GHR: variants seen among roughly 807,000 people sequenced by gnomAD.
The protein encoded by GHR is growth hormone receptor.
Under a neutral mutation model 67.1 loss-of-function variants are expected in GHR, and 35 were observed. The ratio of observed to expected loss-of-function variants is 0.52; its 90% CI spans 0.40 to 0.69. The LOEUF (loss-of-function observed/expected upper bound fraction) is 0.69. Among genes scored for constraint, GHR ranks in the 30% least tolerant of loss-of-function variants. The probability of loss-of-function intolerance (pLI) is 0.00; values close to 1 mark genes in which losing one functional copy is unlikely to be tolerated. For synonymous variants in GHR, 272 were observed against 269.1 expected (o/e 1.01, Z -0.10); for missense variants, 792 against 764.6 (o/e 1.04, Z -0.42).
intron 1 of GHR, among the ~76,000 whole-genome samples, chr5:42,434,093 T>C (rs1477232421): frequency 2.0e-5 from 3 of 152,172 alleles, no homozygotes; most frequent in African/African-American, 4.8e-5. Context: ...AAGAGGCCTA[T>C]TAAAGATGCC....
At chr5:42,582,791 C>T (rs1378783548) in intron 2 of GHR, among the ~76,000 whole-genome samples, 1 of 152,220 alleles carries the variant, frequency 6.6e-6, no homozygotes, top group Non-Finnish European at 1.5e-5. Flanking sequence ...GATGCAGTTG[C>T]CCACGGTGGA....
chr5:42,645,087 C>A lies in GHR; in HGVS notation c.136+15984C>A, dbSNP rs189372442. On this transcript the variant is annotated intron_variant, in intron 3 of 9. Coordinates refer to ENST00000230882, the MANE Select transcript of GHR (RefSeq NM_000163.5). ...AGTTTAGAGAATTATTGTGAGAAAA[C>A]CAGAAAATATTTGAGTTCTAGCTAA... Among the ~76,000 whole-genome samples the A allele has an allele frequency of 2.0e-3, 305 of 152,232 alleles. 1 individual carries two copies. The highest frequency in any genetic ancestry group is 3.0e-3 in the Non-Finnish European group (205 of 68,008).
chr5:42,581,326 T>C (rs753949468), intron 2 of GHR, among the ~76,000 whole-genome samples: 7 of 152,186 alleles, frequency 4.6e-5, no homozygotes, highest in Non-Finnish European at 7.3e-5. Context: ...CTTGCAAGCT[T>C]GTTGTGAGGA....
At chr5:42,706,436 T>C (rs913904352) in intron 6 of GHR, among the ~76,000 whole-genome samples, 3 of 152,196 alleles carry the variant, frequency 2.0e-5, no homozygotes, top group African/African-American at 7.2e-5. Context: ...GCAATTGTTT[T>C]TGGCATCTTT....
At chr5:42,497,177 A>T (rs968737007) in intron 1 of GHR, among the ~76,000 whole-genome samples, 4 of 152,214 alleles carry the variant, frequency 2.6e-5, no homozygotes, top group African/African-American at 9.6e-5. Flanking sequence ...TGGAGCCACC[A>T]TGCTGTGGCC....
chr5:42,513,949 G>C (rs556220376), intron 1 of GHR: 27 of 185,728 alleles, frequency 1.5e-4, no homozygotes, highest in African/African-American at 5.9e-4. Context: ...AAAAATGACT[G>C]CAAACATTAA....
chr5:42,468,387 T>C, intron 1 of GHR: 1 of 1,254,340 alleles, frequency 8.0e-7, no homozygotes, highest in African/African-American at 1.5e-5. Context: ...AAACCCCATC[T>C]AAGCTTTATG....
At chr5:42,441,266 G>T (rs1379369442) in intron 1 of GHR, among the ~76,000 whole-genome samples, 1 of 152,160 alleles carries the variant, frequency 6.6e-6, no homozygotes, top group Admixed American at 6.5e-5. Context: ...CATTTAAGGT[G>T]CTGATGAGGG....
At chr5:42,583,860 T>C (rs1393581861) in intron 2 of GHR, among the ~76,000 whole-genome samples, 1 of 149,104 alleles carries the variant, frequency 6.7e-6, no homozygotes, top group African/African-American at 2.5e-5. Context: ...AATAAAGATA[T>C]ATATATCTTT....
At chr5:42,448,667 G>A (rs1363556735) in intron 1 of GHR, among the ~76,000 whole-genome samples, 1 of 150,950 alleles carries the variant, frequency 6.6e-6, no homozygotes, top group Non-Finnish European at 1.5e-5. Context: ...TTTTATTTTT[G>A]TTGCATTTGC....
chr5:42,544,628 T>A (rs971023631), intron 1 of GHR, among the ~76,000 whole-genome samples: 5 of 152,186 alleles, frequency 3.3e-5, no homozygotes, highest in African/African-American at 1.2e-4. Flanking sequence ...AGAAGCGATC[T>A]ATATCAGTGA....
At chr5:42,511,254 G>A (rs1747002820) in intron 1 of GHR, among the ~76,000 whole-genome samples, 2 of 152,030 alleles carry the variant, frequency 1.3e-5, no homozygotes, top group African/African-American at 2.4e-5. Flanking sequence ...ATTTTTCATA[G>A]TTTGAACCTC....
chr5:42,692,269 T>C (rs1345423074), intron 4 of GHR, among the ~76,000 whole-genome samples: 5 of 152,116 alleles, frequency 3.3e-5, no homozygotes, highest in African/African-American at 1.2e-4. Context: ...TGTCTTTAGA[T>C]GAAAAACATT....
intron 3 of GHR, among the ~76,000 whole-genome samples, chr5:42,656,540 A>G (rs1478661637): frequency 6.6e-6 from 1 of 152,100 alleles, no homozygotes; most frequent in Non-Finnish European, 1.5e-5. Flanking sequence ...CTCTATTATT[A>G]TGCTGCCTCT....
intron 1 of GHR, among the ~76,000 whole-genome samples, chr5:42,506,207 G>A (rs1222070943): frequency 1.3e-5 from 2 of 152,138 alleles, no homozygotes; most frequent in Non-Finnish European, 2.9e-5. Flanking sequence ...TCTGAAATCA[G>A]AATGTATTAT....
intron 1 of GHR, among the ~76,000 whole-genome samples, chr5:42,426,329 C>G (rs934422628): frequency 6.6e-6 from 1 of 152,072 alleles, no homozygotes; most frequent in Non-Finnish European, 1.5e-5. Context: ...TCCTGGTGAG[C>G]AATGTTAATG....
At chr5:42,557,288 T>C (rs755522746) in intron 1 of GHR, among the ~76,000 whole-genome samples, 1 of 152,138 alleles carries the variant, frequency 6.6e-6, no homozygotes, top group African/African-American at 2.4e-5. Context: ...ATGATGTAAG[T>C]GCTTGATTTA....
intron 1 of GHR, among the ~76,000 whole-genome samples, chr5:42,532,149 T>G (rs1197742997): frequency 1.3e-5 from 2 of 152,104 alleles, no homozygotes; most frequent in East Asian, 3.8e-4. Flanking sequence ...GCCTAGAAAC[T>G]GGAACTGAGA....
At chr5:42,656,085 C>T (rs1755240945) in intron 3 of GHR, among the ~76,000 whole-genome samples, 1 of 151,978 alleles carries the variant, frequency 6.6e-6, no homozygotes, top group Non-Finnish European at 1.5e-5. Context: ...CATACAGAAC[C>T]TGCAAAAAAC....
Sources: allele counts gnomAD v4.1 joint callset (sites outside exome capture counted in the v4.1 genomes callset), GRCh38; gene constraint gnomAD v4.1.1; transcripts MANE v1.5; gene names NCBI Gene and HGNC (gene_info 2026-07-23, HGNC 2026-07-21).